The following PSD3 variants were observed in gnomAD, a reference collection of about 807,000 sequenced individuals.
The protein encoded by PSD3 is pleckstrin and Sec7 domain containing 3, also known as PH and SEC7 domain-containing protein 3.
A neutral mutation model predicts 105.5 loss-of-function variants in PSD3; 49 were observed. The ratio of observed to expected loss-of-function variants is 0.46; its 90% CI spans 0.37 to 0.59. The LOEUF (loss-of-function observed/expected upper bound fraction) is 0.59, where lower values mean the gene tolerates loss of function less well. Among genes scored for constraint, PSD3 ranks in the 20% least tolerant of loss-of-function variants. PSD3 has a pLI of 0.00. For synonymous variants in PSD3, 557 were observed against 457.8 expected, an observed-to-expected ratio of 1.22 and a Z score of -2.77; for missense variants, 1,561 against 1,263.8, an observed-to-expected ratio of 1.24 and a Z score of -3.57.
Position 18,936,041 on chromosome 8 carries a change from T to G in PSD3, c.123A>C (p.Pro41=). 6.2e-7 allele frequency: 1 copy of G among 1,605,588 alleles called. No homozygotes were observed. The highest frequency in any genetic ancestry group is 8.5e-7 in the Non-Finnish European group (1 of 1,172,802). Residue 41 remains proline, a synonymous_variant, in exon 2 of 16, where the codon CCA becomes CCC. Coordinates refer to ENST00000327040, the MANE Select transcript of PSD3 (RefSeq NM_015310.4). ...ATATGAGGAAATACTTACTAGTATC[T>G]GGAGCTTTCCCTTCAGATCTGCCAA... ...FLFGRSEGKA[P]DTSDHGGSTL... is the part of the protein sequence containing the mutation.
intron 9 of PSD3, among the ~76,000 whole-genome samples, chr8:18,681,106 T>G (rs139677795): frequency 1.2e-3 from 180 of 152,286 alleles, no homozygotes; most frequent in African/African-American, 4.1e-3. Flanking sequence ...TTACACCTAT[T>G]CTAGAAAGAG....
At chr8:19,072,900 T>C (rs1367284055) in intron 1 of PSD3, among the ~76,000 whole-genome samples, 3 of 152,224 alleles carry the variant, frequency 2.0e-5, no homozygotes, top group Non-Finnish European at 4.4e-5. Flanking sequence ...TGAAAATGCA[T>C]GAATACTTTT....
At chr8:19,078,509 G>A (rs768538193) in intron 1 of PSD3, among the ~76,000 whole-genome samples, 8 of 152,100 alleles carry the variant, frequency 5.3e-5, no homozygotes, top group Non-Finnish European at 1.0e-4. Flanking sequence ...CCCTGCAAGT[G>A]TTTCTGGGCA....
intron 7 of PSD3, among the ~76,000 whole-genome samples, chr8:18,799,962 G>C (rs565861196): frequency 6.6e-6 from 1 of 152,272 alleles, no homozygotes; most frequent in Non-Finnish European, 1.5e-5. Context: ...ATTAAAGCCA[G>C]GGTATTTTCA....
chr8:18,584,814 T>C (rs1263432998), intron 12 of PSD3, among the ~76,000 whole-genome samples: 7 of 152,222 alleles, frequency 4.6e-5, no homozygotes, highest in African/African-American at 1.7e-4. Context: ...CTTGTGCTTA[T>C]TTGTTTCATG....
chr8:19,008,781 A>C (rs1483189092), intron 1 of PSD3, among the ~76,000 whole-genome samples: 1 of 152,206 alleles, frequency 6.6e-6, no homozygotes, highest in Non-Finnish European at 1.5e-5. Context: ...AGGTCTGAGA[A>C]CAGAAGGCCA....
At chr8:18,662,580 G>A (rs979208443) in intron 9 of PSD3, among the ~76,000 whole-genome samples, 1 of 152,144 alleles carries the variant, frequency 6.6e-6, no homozygotes, top group Admixed American at 6.5e-5. Context: ...TCACTGACTT[G>A]TACATTTAAG....
At position 18,583,795 on chromosome 8, in the gene PSD3, T is replaced by C. The variant is rs928679262; in HGVS notation, c.2482-8510A>G. 7.3e-5 allele frequency among the ~76,000 whole-genome samples: 11 copies of C among 151,390 alleles called. No homozygotes were observed. In the East Asian group the frequency reaches 2.1e-3, roughly 29 times the overall value. Reference sequence around the variant, plus strand: ...CTCAAATTGCACTGAATTGGCCTTTTGTTTGTTAATTTCTTCAGAATGAAG... The same window carrying C: ...CTCAAATTGCACTGAATTGGCCTTTCGTTTGTTAATTTCTTCAGAATGAAG... On this transcript the variant is annotated intron_variant, in intron 12 of 15. Coordinates refer to ENST00000327040, the MANE Select transcript of PSD3 (RefSeq NM_015310.4).
At chr8:18,983,636 G>A (rs1255961187) in intron 1 of PSD3, among the ~76,000 whole-genome samples, 2 of 152,230 alleles carry the variant, frequency 1.3e-5, no homozygotes, top group South Asian at 2.1e-4. Context: ...CAAAACATAC[G>A]ACAATTTTTA....
chr8:18,734,564 C>T (rs1804006526), intron 9 of PSD3, among the ~76,000 whole-genome samples: 2 of 152,086 alleles, frequency 1.3e-5, no homozygotes, highest in Admixed American at 6.5e-5. Context: ...CATTTATTTG[C>T]TTGTAAACCT....
chr8:18,788,864 C>T (rs1809432825), intron 8 of PSD3, among the ~76,000 whole-genome samples: 1 of 152,154 alleles, frequency 6.6e-6, no homozygotes, highest in Non-Finnish European at 1.5e-5. Flanking sequence ...GCTTTGCTAT[C>T]AAATAAGTTT....
chr8:18,608,845 C>T (rs1204400531), intron 11 of PSD3, among the ~76,000 whole-genome samples: 1 of 152,096 alleles, frequency 6.6e-6, no homozygotes, highest in African/African-American at 2.4e-5. Flanking sequence ...TCCAACTTTT[C>T]TTCTCAACTG....
chr8:18,650,637 A>C (rs1808404726), intron 10 of PSD3, among the ~76,000 whole-genome samples: 2 of 152,218 alleles, frequency 1.3e-5, no homozygotes, highest in African/African-American at 4.8e-5. Flanking sequence ...TCTGTGTCTT[A>C]TTCATATTTG....
At chr8:18,935,518 A>C (rs1036434945) in intron 2 of PSD3, among the ~76,000 whole-genome samples, 1 of 151,612 alleles carries the variant, frequency 6.6e-6, no homozygotes, top group Admixed American at 6.6e-5. Flanking sequence ...TCTTAAAAAA[A>C]AAAAAAAAAG....
At chr8:18,646,299 C>G (rs1036039437) in intron 10 of PSD3, among the ~76,000 whole-genome samples, 1 of 152,040 alleles carries the variant, frequency 6.6e-6, no homozygotes, top group Admixed American at 6.5e-5. Context: ...TCTACATCTA[C>G]TATTAAGAAA....
At chr8:18,592,840 T>C (rs1402302940) in intron 12 of PSD3, among the ~76,000 whole-genome samples, 1 of 152,166 alleles carries the variant, frequency 6.6e-6, no homozygotes, top group Non-Finnish European at 1.5e-5. Context: ...CTATCTGATC[T>C]TTGACAAACC....
intron 1 of PSD3, among the ~76,000 whole-genome samples, chr8:19,030,077 G>C: frequency 6.6e-6 from 1 of 152,098 alleles, no homozygotes; most frequent in East Asian, 1.9e-4. Flanking sequence ...AAAGCATTTA[G>C]TCTTTCCCTA....
At chr8:18,601,245 G>A (rs1019698063) in intron 11 of PSD3, among the ~76,000 whole-genome samples, 7 of 152,126 alleles carry the variant, frequency 4.6e-5, no homozygotes, top group African/African-American at 1.7e-4. Context: ...AAAGCAAAAA[G>A]CAATAGATTA....
chr8:18,808,328 A>C (rs1341712960), intron 4 of PSD3, among the ~76,000 whole-genome samples: 1 of 152,224 alleles, frequency 6.6e-6, no homozygotes, highest in Non-Finnish European at 1.5e-5. Flanking sequence ...GCATTTATTT[A>C]ATCATTCTGT....
Sources: allele counts gnomAD v4.1 joint callset (sites outside exome capture counted in the v4.1 genomes callset), GRCh38; gene constraint gnomAD v4.1.1; transcripts MANE v1.5; gene names NCBI Gene and HGNC (gene_info 2026-07-23, HGNC 2026-07-21).